The following PLXDC2 variants were observed in gnomAD, a reference collection of about 807,000 sequenced individuals.
PLXDC2 encodes the protein plexin domain containing 2.
Under a neutral mutation model 68.9 loss-of-function variants are expected in PLXDC2, and 40 were observed. The observed-to-expected ratio is 0.58, with a 90% CI of 0.45 to 0.76. The LOEUF (loss-of-function observed/expected upper bound fraction) is 0.76, where lower values mean the gene tolerates loss of function less well. Ranked by LOEUF, PLXDC2 falls within the 30% of genes least tolerant of loss-of-function variation. The pLI is 0.00. For synonymous variants in PLXDC2, 243 were observed against 234.2 expected (o/e 1.04, Z -0.34); for missense variants, 644 against 661.9 (o/e 0.97, Z 0.30).
chr10:20,146,998 C>T lies in PLXDC2; in HGVS notation c.665-786C>T, dbSNP rs531577560. 8.4e-4 allele frequency among the ~76,000 whole-genome samples: 128 copies of T among 152,152 alleles called. 1 individual carries two copies. The highest frequency in any genetic ancestry group is 2.9e-3 in the African/African-American group (121 of 41,516). On this transcript the variant is annotated intron_variant, in intron 5 of 13. Transcript: ENST00000377252. ...GAGTGAAGAAAAAGTCTTAGCAGCT[C>T]ATTTCTTTTCTTTTTTTTTAAAAAA...
intron 1 of PLXDC2, among the ~76,000 whole-genome samples, chr10:19,844,168 C>T (rs768512295): frequency 6.6e-6 from 1 of 152,192 alleles, no homozygotes; most frequent in Non-Finnish European, 1.5e-5. Flanking sequence ...ACCTCAATTT[C>T]TCTCTTGCAG....
chr10:20,260,664 A>G (rs1835798491), intron 13 of PLXDC2, among the ~76,000 whole-genome samples: 1 of 152,172 alleles, frequency 6.6e-6, no homozygotes, highest in African/African-American at 2.4e-5. Flanking sequence ...CATGGGAATG[A>G]AAATACCTCT....
rs773952768 is a variant in PLXDC2, at chr10:19,942,113, T to G, written c.113-59662T>G. Among the ~76,000 whole-genome samples the G allele has an allele frequency of 1.2e-4, 19 of 152,320 alleles. No homozygotes were observed. The Middle Eastern group carries it at 0.01, about 82-fold the overall frequency. On this transcript the variant is annotated intron_variant, in intron 1 of 13. Transcript: ENST00000377252. ...TTTATTTAACTATCTACAGTGACTA[T>G]TTTGTAAAGATAGTGGTAATTTTGC...
At chr10:19,988,891 G>A (rs765400977) in intron 1 of PLXDC2, among the ~76,000 whole-genome samples, 19 of 134,544 alleles carry the variant, frequency 1.4e-4, no homozygotes, top group East Asian at 7.1e-4. Flanking sequence ...CGCCTCCCCC[G>A]TTCAGGAGAT....
At chr10:20,109,850 A>G (rs1290518745) in intron 4 of PLXDC2, among the ~76,000 whole-genome samples, 1 of 152,190 alleles carries the variant, frequency 6.6e-6, no homozygotes. Flanking sequence ...CCAATTCCCA[A>G]AACAACATCT....
intron 4 of PLXDC2, among the ~76,000 whole-genome samples, chr10:20,082,070 A>AAAAAAAAAAAAACAAAAAC (rs1554765383): frequency 1.6e-5 from 2 of 121,932 alleles, no homozygotes; most frequent in Admixed American, 1.0e-4. Flanking sequence ...AAATCAAAAA[A>AAAAAAAAAAAAACAAAAAC]AAAAAACAGG....
At chr10:20,152,012 G>T (rs1401400337) in intron 6 of PLXDC2, among the ~76,000 whole-genome samples, 1 of 151,962 alleles carries the variant, frequency 6.6e-6, no homozygotes, top group African/African-American at 2.4e-5. Flanking sequence ...GTAATGGATT[G>T]AATAAATTTA....
At chr10:20,125,395 A>G (rs766010900) in intron 4 of PLXDC2, among the ~76,000 whole-genome samples, 3 of 152,048 alleles carry the variant, frequency 2.0e-5, no homozygotes, top group Non-Finnish European at 4.4e-5. Flanking sequence ...TGTAGAACTG[A>G]TTGAAAGCTT....
intron 12 of PLXDC2, among the ~76,000 whole-genome samples, chr10:20,237,512 G>A (rs1325768180): frequency 1.3e-5 from 2 of 152,184 alleles, no homozygotes; most frequent in Non-Finnish European, 2.9e-5. Flanking sequence ...GCTACAAAAT[G>A]AGACTGATCA....
chr10:19,827,147 G>A (rs1369724839), intron 1 of PLXDC2, among the ~76,000 whole-genome samples: 1 of 152,144 alleles, frequency 6.6e-6, no homozygotes, highest in Non-Finnish European at 1.5e-5. Flanking sequence ...TTGGGTTTGT[G>A]AAAGGGCTAC....
intron 1 of PLXDC2, among the ~76,000 whole-genome samples, chr10:19,981,604 C>T (rs961006196): frequency 1.3e-5 from 2 of 152,148 alleles, no homozygotes; most frequent in African/African-American, 4.8e-5. Context: ...GGAAGCATCT[C>T]TGCACAAAAT....
intron 1 of PLXDC2, among the ~76,000 whole-genome samples, chr10:19,973,829 C>T (rs1428176066): frequency 1.3e-5 from 2 of 152,148 alleles, no homozygotes; most frequent in Non-Finnish European, 2.9e-5. Flanking sequence ...GCCATTCTGC[C>T]TCCATTTGAC....
chr10:20,175,931 T>G (rs1834520731), intron 7 of PLXDC2, among the ~76,000 whole-genome samples: 1 of 152,216 alleles, frequency 6.6e-6, no homozygotes, highest in Admixed American at 6.5e-5. Context: ...AGGAATAAAA[T>G]GCTGACAACA....
intron 1 of PLXDC2, among the ~76,000 whole-genome samples, chr10:19,845,052 G>A (rs977409884): frequency 6.6e-6 from 1 of 152,160 alleles, no homozygotes; most frequent in African/African-American, 2.4e-5. Flanking sequence ...ACATGACACA[G>A]GTTCTTCCTT....
At chr10:20,047,054 T>C in intron 3 of PLXDC2, 39 bp downstream of exon 3, 1 of 1,527,566 alleles carries the variant, frequency 6.5e-7, no homozygotes, top group Non-Finnish European at 8.8e-7. Flanking sequence ...TTACCTACTG[T>C]GAAAAAATAA....
At chr10:20,270,925 C>G (rs1588554360) in intron 13 of PLXDC2, among the ~76,000 whole-genome samples, 1 of 130,830 alleles carries the variant, frequency 7.6e-6, no homozygotes, top group Non-Finnish European at 1.6e-5. Context: ...AGCTGATGGT[C>G]AAGAAATTGG....
intron 4 of PLXDC2, among the ~76,000 whole-genome samples, chr10:20,115,395 C>T (rs563365040): frequency 6.6e-6 from 1 of 152,150 alleles, no homozygotes; most frequent in African/African-American, 2.4e-5. Context: ...GCTGTTTCAG[C>T]CCCTATTTGG....
At chr10:20,016,623 G>C (rs971969998) in intron 2 of PLXDC2, among the ~76,000 whole-genome samples, 1 of 152,178 alleles carries the variant, frequency 6.6e-6, no homozygotes, top group African/African-American at 2.4e-5. Context: ...TGGTGGCCAT[G>C]GTGTCAAAAT....
chr10:19,959,182 A>G (rs1183774824), intron 1 of PLXDC2, among the ~76,000 whole-genome samples: 2 of 152,244 alleles, frequency 1.3e-5, no homozygotes, highest in African/African-American at 2.4e-5. Context: ...CCCTTCCATA[A>G]AAATCCCACT....
Sources: gnomAD v4.1 joint callset for allele counts (sites outside exome capture counted in the v4.1 genomes callset) on GRCh38, gnomAD v4.1.1 for gene constraint, MANE v1.5 for transcripts, NCBI Gene and HGNC (gene_info 2026-07-23, HGNC 2026-07-21) for gene names.